Variants in KIAA1328 observed in about 807,000 individuals in gnomAD.
The protein encoded by KIAA1328 is protein hinderin.
A neutral mutation model predicts 68.1 loss-of-function variants in KIAA1328; 52 were observed. The observed-to-expected ratio is 0.76, with a 90% CI of 0.61 to 0.96. The LOEUF is 0.96. KIAA1328 is among the 40% of genes least tolerant of loss of function. KIAA1328 has a pLI of 0.00. For synonymous variants in KIAA1328, 232 were observed against 239.4 expected (o/e 0.97, Z 0.28); for missense variants, 641 against 677.6 (o/e 0.95, Z 0.60).
At chr18:36,842,085 CA>C (rs1360921139) in intron 3 of KIAA1328, among the ~76,000 whole-genome samples, 2 of 151,524 alleles carry the variant, frequency 1.3e-5, no homozygotes, top group African/African-American at 4.8e-5. Context: ...ACCAAAAAGG[CA>C]AAAAGGGAAC....
chr18:37,226,957 G>A (rs1386286726), downstream of KIAA1328, among the ~76,000 whole-genome samples: 1 of 152,068 alleles, frequency 6.6e-6, no homozygotes, highest in African/African-American at 2.4e-5. Context: ...AGTAGAGACG[G>A]GGTTTCCCCA....
At chr18:37,204,109 C>T (rs984128164) in intron 9 of KIAA1328, among the ~76,000 whole-genome samples, 3 of 152,160 alleles carry the variant, frequency 2.0e-5, no homozygotes, top group Non-Finnish European at 4.4e-5. Context: ...CACGCCTGGC[C>T]GGTGAACCTA....
chr18:37,198,569 G>T (rs1335717582), intron 9 of KIAA1328, among the ~76,000 whole-genome samples: 1 of 152,146 alleles, frequency 6.6e-6, no homozygotes, highest in Non-Finnish European at 1.5e-5. Context: ...CTTCTTAAGT[G>T]CTCTTGGTTA....
chr18:37,030,614 A>G (rs987219729), intron 6 of KIAA1328, among the ~76,000 whole-genome samples: 12 of 152,322 alleles, frequency 7.9e-5, no homozygotes, highest in African/African-American at 2.9e-4. Context: ...TGCATGAAAA[A>G]TAATATAATC....
Position 37,223,692 on chromosome 18 carries a change from T to C in KIAA1328, c.*1465T>C. ...TCTGCGTGGCTTCCCTGAATTACTC[T>C]TTTAATTAAAACTAGATTATTTCAA... On this transcript the variant is annotated 3_prime_UTR_variant, in exon 10 of 10. Coordinates refer to ENST00000280020, the MANE Select transcript of KIAA1328 (RefSeq NM_020776.3). The C allele has an allele frequency of 1.0e-6, 1 of 985,374 alleles. No homozygotes were observed. The highest frequency in any genetic ancestry group is 1.2e-6 in the Non-Finnish European group (1 of 829,912). 61.0% of individuals were successfully genotyped at this position (985,374 alleles called of 1,614,324 possible). A position where few individuals can be genotyped will look rare whatever the true frequency, so the allele number is the denominator to read the frequency against.
chr18:36,998,967 A>G (rs1158731298), intron 6 of KIAA1328, among the ~76,000 whole-genome samples: 1 of 152,206 alleles, frequency 6.6e-6, no homozygotes, highest in African/African-American at 2.4e-5. Context: ...TAAAGAATTC[A>G]AAATACTGAT....
At chr18:37,213,910 CA>C (rs1266900756) in intron 9 of KIAA1328, among the ~76,000 whole-genome samples, 1 of 152,158 alleles carries the variant, frequency 6.6e-6, no homozygotes, top group Non-Finnish European at 1.5e-5. Context: ...TGATGATGAG[CA>C]TTTTTTCATG....
At chr18:37,171,448 G>T (rs1017279606) in intron 8 of KIAA1328, among the ~76,000 whole-genome samples, 1 of 152,082 alleles carries the variant, frequency 6.6e-6, no homozygotes, top group African/African-American at 2.4e-5. Context: ...CTCCTGGCCT[G>T]ATCCTCCTGC....
At chr18:37,193,821 T>TCAC (rs1784860004) in intron 9 of KIAA1328, 1 of 586,726 alleles carries the variant, frequency 1.7e-6, no homozygotes, top group African/African-American at 1.9e-5. Context: ...GTGGGTTTCC[T>TCAC]CACATCTCAG....
intron 6 of KIAA1328, among the ~76,000 whole-genome samples, chr18:37,053,018 TGAG>T (rs755870278): frequency 4.6e-5 from 7 of 152,052 alleles, no homozygotes; most frequent in Non-Finnish European, 7.4e-5. Context: ...GAACCAAAAA[TGAG>T]TGCAAATAGC....
intron 7 of KIAA1328, among the ~76,000 whole-genome samples, chr18:37,097,572 C>T (rs2057452387): frequency 1.3e-5 from 2 of 152,078 alleles, no homozygotes; most frequent in African/African-American, 2.4e-5. Flanking sequence ...TTTTTGGTTC[C>T]GTATGAACTT....
intron 5 of KIAA1328, among the ~76,000 whole-genome samples, chr18:36,900,920 C>T (rs1424167434): frequency 6.6e-6 from 1 of 152,002 alleles, no homozygotes; most frequent in African/African-American, 2.4e-5. Flanking sequence ...CAGAGCCTGT[C>T]TCTATATAAA....
intron 7 of KIAA1328, among the ~76,000 whole-genome samples, chr18:37,108,808 T>C (rs1469139494): frequency 6.6e-6 from 1 of 152,200 alleles, no homozygotes; most frequent in Admixed American, 6.5e-5. Flanking sequence ...CTTTAAGTTC[T>C]AGGGTACATG....
intron 6 of KIAA1328, among the ~76,000 whole-genome samples, chr18:36,995,293 C>T (rs1394533687): frequency 6.6e-6 from 1 of 152,106 alleles, no homozygotes; most frequent in Non-Finnish European, 1.5e-5. Flanking sequence ...GAACTCATCC[C>T]TTTTTATGGC....
At chr18:36,897,669 C>T (rs889493667) in intron 5 of KIAA1328, among the ~76,000 whole-genome samples, 1 of 152,012 alleles carries the variant, frequency 6.6e-6, no homozygotes, top group Admixed American at 6.6e-5. Flanking sequence ...CTCTGTCTTA[C>T]TATAATATTC....
intron 7 of KIAA1328, among the ~76,000 whole-genome samples, chr18:37,077,000 C>G (rs1430703179): frequency 6.6e-6 from 1 of 152,104 alleles, no homozygotes; most frequent in Non-Finnish European, 1.5e-5. Flanking sequence ...CAGCATCACC[C>G]TGATACCAAA....
intron 6 of KIAA1328, among the ~76,000 whole-genome samples, chr18:37,050,166 G>T (rs1000370392): frequency 6.6e-6 from 1 of 151,934 alleles, no homozygotes. Flanking sequence ...TGGTCCCTGG[G>T]AGTGCTGCTT....
intron 8 of KIAA1328, among the ~76,000 whole-genome samples, chr18:37,169,172 T>TTATTTA (rs1568490110): frequency 7.2e-6 from 1 of 138,618 alleles, no homozygotes; most frequent in African/African-American, 2.8e-5. Context: ...TTATTTATAT[T>TTATTTA]TTTTTTTTTT....
intron 7 of KIAA1328, among the ~76,000 whole-genome samples, chr18:37,147,501 C>T (rs1165181378): frequency 6.6e-6 from 1 of 152,098 alleles, no homozygotes; most frequent in African/African-American, 2.4e-5. Context: ...TGCAATGTAG[C>T]TACCAGTTAG....
Sources: allele counts gnomAD v4.1 joint callset (sites outside exome capture counted in the v4.1 genomes callset), GRCh38; gene constraint gnomAD v4.1.1; transcripts MANE v1.5; gene names NCBI Gene and HGNC (gene_info 2026-07-23, HGNC 2026-07-21).